The following RHOF variants were observed in gnomAD, a reference collection of about 807,000 sequenced individuals.
RHOF encodes ras homolog family member F, filopodia associated.
In RHOF, 21 loss-of-function variants were observed where a neutral mutation model predicts 22.2. The ratio of observed to expected loss-of-function variants is 0.95; its 90% CI spans 0.67 to 1.36. RHOF has a LOEUF of 1.36. Ranked by LOEUF, RHOF falls within the 40% of genes most tolerant of loss-of-function variation. RHOF has a pLI of 0.00. For missense variants in RHOF, 285 were observed against 293.7 expected (o/e 0.97, Z 0.22); for synonymous variants, 135 against 131.2 (o/e 1.03, Z -0.20).
intron 2 of RHOF, among the ~76,000 whole-genome samples, chr12:121,783,599 C>T (rs1178244655): frequency 6.6e-6 from 1 of 152,176 alleles, no homozygotes; most frequent in African/African-American, 2.4e-5. Context: ...TCTCCTGCCT[C>T]AGCCTCCCGA....
At position 121,779,533 on chromosome 12, in the gene RHOF, G is replaced by A. The variant is rs199516995; in HGVS notation, c.601C>T (p.Arg201Trp). ...VALSALKKAQ[R>W]QKKRRLCLLL Reference sequence around the variant, plus strand: ...AGGCAGAGCCGGCGCTTCTTCTGCCGTTGCGCCTTCTTCAGAGCGCTGAGA... The same window carrying A: ...AGGCAGAGCCGGCGCTTCTTCTGCCATTGCGCCTTCTTCAGAGCGCTGAGA... Residue 201 changes from arginine to tryptophan, a missense_variant, in exon 5 of 5, where the codon CGG becomes TGG. By Grantham distance (101) the Arg-to-Trp change is moderately radical (BLOSUM62 -3). Coordinates refer to ENST00000267205, the MANE Select transcript of RHOF (RefSeq NM_019034.3). 148 of 1,612,878 alleles carry A rather than the reference G, an allele frequency of 9.2e-5. No individual in the cohort carries two copies. The highest frequency in any genetic ancestry group is 4.5e-4 in the East Asian group (20 of 44,892).
intron 2 of RHOF, among the ~76,000 whole-genome samples, chr12:121,788,618 T>C (rs577436052): frequency 1.3e-5 from 2 of 152,230 alleles, no homozygotes; most frequent in Non-Finnish European, 2.9e-5. Flanking sequence ...ATGCACATTC[T>C]GGGCAGGACT....
chr12:121,784,482 T>G (rs1010860560), intron 2 of RHOF, among the ~76,000 whole-genome samples: 39 of 149,964 alleles, frequency 2.6e-4, no homozygotes, highest in African/African-American at 9.6e-4. Flanking sequence ...GAGGCAGAGG[T>G]TGCAGTGAGC....
At chr12:121,780,387 GT>G (rs1874406074) in intron 4 of RHOF, 1 of 181,570 alleles carries the variant, frequency 5.5e-6, no homozygotes, top group African/African-American at 2.4e-5. Context: ...GTTATTTCTT[GT>G]GAAAGTTTCT....
At chr12:121,788,517 A>G (rs966498847) in intron 2 of RHOF, among the ~76,000 whole-genome samples, 3 of 152,142 alleles carry the variant, frequency 2.0e-5, no homozygotes, top group Admixed American at 6.5e-5. Flanking sequence ...TTCCGTGTGC[A>G]CCAACCCCAT....
chr12:121,781,060 A>G (rs762862118), intron 3 of RHOF, 23 bp downstream of exon 3: 3 of 1,613,902 alleles, frequency 1.9e-6, no homozygotes, highest in East Asian at 2.2e-5. Context: ...ATGTGGGGCC[A>G]CCACCCAGGA....
rs932867016 is a variant in RHOF, at chr12:121,788,666, A to T, written c.226+4486T>A. Among the ~76,000 whole-genome samples the T allele has an allele frequency of 2.0e-5, 3 of 152,158 alleles. No individual in the cohort carries two copies. The East Asian group carries it at 5.8e-4, about 29-fold the overall frequency. On this transcript the variant is annotated intron_variant, in intron 2 of 4. Transcript: ENST00000267205. ...CTCCACATCTCGAATTGACGCCCAC[A>T]TTTCCCTCTCTGGGTGTCAATTTCC...
At chr12:121,787,375 C>T (rs761423267) in intron 2 of RHOF, among the ~76,000 whole-genome samples, 2 of 152,142 alleles carry the variant, frequency 1.3e-5, no homozygotes, top group Non-Finnish European at 2.9e-5. Context: ...TTGTCAAGGT[C>T]AGAGACAAGC....
chr12:121,783,348 G>A (rs1042607922), intron 2 of RHOF, among the ~76,000 whole-genome samples: 2 of 136,416 alleles, frequency 1.5e-5, no homozygotes, highest in Admixed American at 8.3e-5. Flanking sequence ...TGAGACAAGA[G>A]TCTCGCTCTG....
chr12:121,784,692 A>G (rs990987161), intron 2 of RHOF, among the ~76,000 whole-genome samples: 3 of 152,220 alleles, frequency 2.0e-5, no homozygotes, highest in African/African-American at 7.2e-5. Flanking sequence ...CTGGGCCAGG[A>G]GTCAACCCCA....
At chr12:121,788,953 A>C (rs1316142488) in intron 2 of RHOF, among the ~76,000 whole-genome samples, 2 of 152,128 alleles carry the variant, frequency 1.3e-5, no homozygotes, top group Admixed American at 1.3e-4. Flanking sequence ...CCACCAGGTG[A>C]TACCATTACC....
At chr12:121,793,056 G>A (rs1213240118) in intron 2 of RHOF, 96 bp downstream of exon 2, 8 of 1,076,016 alleles carry the variant, frequency 7.4e-6, no homozygotes, top group Non-Finnish European at 1.1e-5. Flanking sequence ...GCCCTGCCAA[G>A]GCTGCAGGGC....
At chr12:121,787,998 A>G (rs1342382902) in intron 2 of RHOF, among the ~76,000 whole-genome samples, 1 of 151,680 alleles carries the variant, frequency 6.6e-6, no homozygotes, top group African/African-American at 2.4e-5. Flanking sequence ...CCTGGGCTCA[A>G]GCCATCCTCC....
chr12:121,790,960 G>A (rs1007324281), intron 2 of RHOF, among the ~76,000 whole-genome samples: 11 of 152,022 alleles, frequency 7.2e-5, no homozygotes, highest in Non-Finnish European at 1.3e-4. Context: ...TGCAATTTCC[G>A]CCTCCTGGGT....
At chr12:121,785,430 T>C (rs551811756) in intron 2 of RHOF, among the ~76,000 whole-genome samples, 28,962 of 143,068 alleles carry the variant, frequency 0.2, 3,290 homozygotes, top group African/African-American at 0.32. Context: ...TACTTTTTTT[T>C]TTTTTTTTTT....
intron 2 of RHOF, among the ~76,000 whole-genome samples, chr12:121,790,559 C>A (rs2137506425): frequency 6.6e-6 from 1 of 152,378 alleles, no homozygotes; most frequent in Non-Finnish European, 1.5e-5. Context: ...GGGACCTGGG[C>A]TCTCCCTGGT....
In RHOF at chr12:121,779,214, A is replaced by T. The variant is rs1874349313; in HGVS notation, c.*284T>A. ...CATAACTTGAGTCTGCACTGGGGAG[A>T]CACTCGTGGTGGGGGTGGCTGTGAT... On this transcript the variant is annotated 3_prime_UTR_variant, in exon 5 of 5. Coordinates refer to ENST00000267205, the MANE Select transcript of RHOF (RefSeq NM_019034.3). The T allele has an allele frequency of 6.2e-6, 3 of 482,288 alleles. No homozygotes were observed. Among genetic ancestry groups the T allele is most frequent in the Non-Finnish European group, 1.1e-5 (3 of 263,870 alleles). 29.9% of individuals were successfully genotyped at this position (482,288 alleles called of 1,614,324 possible).
intron 2 of RHOF, chr12:121,782,746 G>A (rs1874504595): frequency 6.6e-6 from 1 of 152,294 alleles, no homozygotes; most frequent in African/African-American, 2.4e-5. Flanking sequence ...GTGCTTAAGG[G>A]TGAGGTCACT....
In RHOF at chr12:121,781,297, A is replaced by G. The variant is rs1874448845; in HGVS notation, c.227-105T>C. Reference sequence around the variant, plus strand: ...CAAGTGACCCTGCCTTAGGGCCTCAATTTCCTCATCTATACAATGGGCAGC... The same window carrying G: ...CAAGTGACCCTGCCTTAGGGCCTCAGTTTCCTCATCTATACAATGGGCAGC... On this transcript the variant is annotated intron_variant, in intron 2 of 4. Coordinates refer to ENST00000267205, the MANE Select transcript of RHOF (RefSeq NM_019034.3). The G allele has an allele frequency of 8.4e-6, 8 of 954,900 alleles. No individual in the cohort carries two copies. The South Asian group carries it at 1.1e-4, about 13-fold the overall frequency. 59.2% of individuals were successfully genotyped at this position (954,900 alleles called of 1,614,324 possible).
Sources: gnomAD v4.1 joint callset for allele counts (sites outside exome capture counted in the v4.1 genomes callset) on GRCh38, gnomAD v4.1.1 for gene constraint, MANE v1.5 for transcripts, NCBI Gene and HGNC (gene_info 2026-07-23, HGNC 2026-07-21) for gene names.